Variants in EFR3B observed in about 807,000 individuals in gnomAD.
EFR3B encodes the protein EFR3 homolog B.
A neutral mutation model predicts 104.7 loss-of-function variants in EFR3B; 64 were observed. The observed-to-expected ratio is 0.61, with a 90% confidence interval of 0.50 to 0.75. The LOEUF (loss-of-function observed/expected upper bound fraction) is 0.75, where lower values mean the gene tolerates loss of function less well. EFR3B is among the 30% of genes least tolerant of loss of function. The pLI is 0.00. For synonymous variants in EFR3B, 385 were observed against 417.9 expected (o/e 0.92, Z 0.96); for missense variants, 750 against 1,078.5 (o/e 0.70, Z 4.27).
Position 25,139,140 on chromosome 2 carries a change from C to CTCA in EFR3B, c.1808_1810dup (p.Ile603dup). The CTCA allele has an allele frequency of 6.4e-7, 1 of 1,551,728 alleles. No homozygotes were observed. Among genetic ancestry groups the CTCA allele is most frequent in the South Asian group, 1.2e-5 (1 of 84,062 alleles). ...TGCTCTGGGCGCAGCCTACCTGAAC[C>CTCA]TCATCAGTCAGCTCACAACAGTGCC... is the stretch of plus-strand genomic sequence containing the variant. On this transcript the variant is annotated inframe_insertion, in exon 16 of 23. Transcript: ENST00000403714.
chr2:25,148,276 C>A (rs1047202779), intron 19 of EFR3B, among the ~76,000 whole-genome samples: 43 of 149,432 alleles, frequency 2.9e-4, no homozygotes, highest in Admixed American at 2.7e-3. Flanking sequence ...AAAAAAAAAA[C>A]AGAGTCTCCC....
chr2:25,046,541 C>G (rs1352780990), intron 1 of EFR3B, among the ~76,000 whole-genome samples: 2 of 123,744 alleles, frequency 1.6e-5, no homozygotes, highest in African/African-American at 2.7e-5. Context: ...GTCTCGCTGT[C>G]GCCCAGGCTG....
intron 17 of EFR3B, among the ~76,000 whole-genome samples, chr2:25,142,734 G>C (rs1670706092): frequency 6.6e-6 from 1 of 151,602 alleles, no homozygotes; most frequent in Non-Finnish European, 1.5e-5. Flanking sequence ...ACTCCAGCCT[G>C]GGCAACAGGG....
chr2:25,076,706 T>A (rs929894919), intron 1 of EFR3B, among the ~76,000 whole-genome samples: 2 of 152,192 alleles, frequency 1.3e-5, no homozygotes, highest in African/African-American at 2.4e-5. Context: ...CTGTAGTTCA[T>A]GAAGAATTGA....
chr2:25,149,628 G>T (rs1670946522), intron 19 of EFR3B, 66 bp from the exon 20 acceptor site: 5 of 1,482,204 alleles, frequency 3.4e-6, no homozygotes, highest in Non-Finnish European at 4.6e-6. Flanking sequence ...GAGAGCTGGG[G>T]GTGCCAGGGC....
intron 3 of EFR3B, among the ~76,000 whole-genome samples, chr2:25,096,181 A>G (rs560664803): frequency 1.3e-5 from 2 of 151,976 alleles, no homozygotes; most frequent in South Asian, 4.2e-4. Context: ...ACACCTGGCT[A>G]ATTTTTGTGT....
At chr2:25,096,310 G>A (rs1374502678) in intron 3 of EFR3B, among the ~76,000 whole-genome samples, 1 of 152,132 alleles carries the variant, frequency 6.6e-6, no homozygotes, top group Non-Finnish European at 1.5e-5. Flanking sequence ...CACCGCGCCT[G>A]GCCTCCATGG....
chr2:25,140,570 C>T (rs1414117434), intron 16 of EFR3B, among the ~76,000 whole-genome samples: 2 of 152,130 alleles, frequency 1.3e-5, no homozygotes, highest in East Asian at 1.9e-4. Context: ...TTGACCATCC[C>T]TCCACTTCTT....
Position 25,154,863 on chromosome 2 carries a change from C to A in EFR3B, c.*523C>A, listed in dbSNP as rs1359146460. The A allele has an allele frequency of 6.5e-6, 1 of 153,636 alleles. No homozygotes were observed. The highest frequency in any genetic ancestry group is 2.4e-5 in the African/African-American group (1 of 41,462). 9.5% of individuals were successfully genotyped at this position (153,636 alleles called of 1,614,324 possible). ...CTTGCTCATCTCCCAGTTGTCTGTT[C>A]ATGTTTCTTTCTACTATTAATGAAT... On this transcript the variant is annotated 3_prime_UTR_variant, in exon 23 of 23. Coordinates refer to ENST00000403714, the MANE Select transcript of EFR3B (RefSeq NM_014971.2). This position sits in a 1 kb window ranked among gnomAD's most constrained non-coding sequence, Gnocchi z 4.1.
At chr2:25,143,660 TA>T (rs1298994922) in intron 17 of EFR3B, 74 bp from the exon 18 acceptor site, 29,996 of 1,026,096 alleles carry the variant, frequency 0.029, no homozygotes, top group South Asian at 0.053. Flanking sequence ...AACCCTGTCT[TA>T]AAAAAAAAAA....
At chr2:25,091,247 C>A (rs1669104933) in intron 1 of EFR3B, 78 bp from the exon 2 acceptor site, 1 of 1,386,552 alleles carries the variant, frequency 7.2e-7, no homozygotes, top group Non-Finnish European at 9.9e-7. Context: ...CACTCACAGG[C>A]TGCCCTGGCC....
chr2:25,051,506 C>T (rs1359254953), intron 1 of EFR3B, among the ~76,000 whole-genome samples: 1 of 152,164 alleles, frequency 6.6e-6, no homozygotes, highest in African/African-American at 2.4e-5. Flanking sequence ...CATCTGGTCA[C>T]ACTCCTTTGC....
Position 25,136,351 on chromosome 2 carries a change from A to G in EFR3B, c.1485-172A>G, listed in dbSNP as rs1670515018. 6.6e-6 allele frequency among the ~76,000 whole-genome samples: 1 copy of G among 152,152 alleles called. No individual in the cohort carries two copies. The highest frequency in any genetic ancestry group is 2.4e-5 in the African/African-American group (1 of 41,426). On this transcript the variant is annotated intron_variant, in intron 13 of 22. Coordinates refer to ENST00000403714, the MANE Select transcript of EFR3B (RefSeq NM_014971.2). The surrounding 1 kb of genome is among the most constrained non-coding windows in gnomAD (Gnocchi z 4.0). Reference sequence around the variant, plus strand: ...GGAAAAAAGAGAGAGAGATAAAGGGACAAATTCTTGAGAACTTGGGAGGAA... The same window carrying G: ...GGAAAAAAGAGAGAGAGATAAAGGGGCAAATTCTTGAGAACTTGGGAGGAA...
chr2:25,153,589 C>T lies in EFR3B; in HGVS notation c.2299-123C>T, dbSNP rs555506691. The stretch of plus-strand genomic sequence containing the variant: ...GAGTGCTGGAGCGTGTTCACCTCTG[C>T]CTGCCTTCCTAAGGCTGTGGCTGCC... On this transcript the variant is annotated intron_variant, in intron 21 of 22. Transcript: ENST00000403714. 1.3e-3 allele frequency: 1,268 copies of T among 953,272 alleles called. 3 individuals carry two copies. The highest frequency in any genetic ancestry group is 1.9e-3 in the Non-Finnish European group (1,155 of 615,122). 59.1% of individuals were successfully genotyped at this position (953,272 alleles called of 1,614,324 possible).
rs1306731562 is a variant in EFR3B at position 25,128,166 on chromosome 2, C to T, written c.486-17C>T. ...GCTAGAGGACTTCCGAGTCCCACTT[C>T]ACCCTTTTCCTTACAGAATTCGAAT... On this transcript the variant is annotated splice_polypyrimidine_tract_variant and intron_variant, in intron 5 of 22. Transcript: ENST00000403714. 1 of 1,551,562 alleles carries T rather than the reference C, an allele frequency of 6.4e-7. No homozygotes were observed. Among genetic ancestry groups the T allele is most frequent in the Admixed American group, 2.0e-5 (1 of 50,998 alleles).
At chr2:25,144,675 A>G (rs2149211753) in intron 18 of EFR3B, among the ~76,000 whole-genome samples, 1 of 152,384 alleles carries the variant, frequency 6.6e-6, no homozygotes, top group South Asian at 2.1e-4. Context: ...TCATGCTTAC[A>G]CATAAGGTGA....
intron 4 of EFR3B, among the ~76,000 whole-genome samples, chr2:25,117,515 C>T (rs1028101897): frequency 1.3e-5 from 2 of 151,616 alleles, no homozygotes; most frequent in South Asian, 2.1e-4. Context: ...CAGGTTCAAG[C>T]GATTCTCTTG....
At chr2:25,079,579 T>A (rs1043278907) in intron 1 of EFR3B, among the ~76,000 whole-genome samples, 17 of 152,290 alleles carry the variant, frequency 1.1e-4, no homozygotes, top group South Asian at 2.1e-4. Flanking sequence ...GAATTTTTTT[T>A]AATTTATTTT....
chr2:25,070,552 C>T (rs74535073), intron 1 of EFR3B, among the ~76,000 whole-genome samples: 3,289 of 152,262 alleles, frequency 0.022, 102 homozygotes, highest in African/African-American at 0.073. Context: ...CGTGAGCCAC[C>T]GCATCCTACT....
Sources: gnomAD v4.1 joint callset for allele counts (sites outside exome capture counted in the v4.1 genomes callset) on GRCh38, gnomAD v4.1.1 for gene constraint, Gnocchi (gnomAD v3.1) non-coding constraint, MANE v1.5 for transcripts, NCBI Gene and HGNC (gene_info 2026-07-23, HGNC 2026-07-21) for gene names.